Variants in UBE3C observed in about 807,000 individuals in gnomAD.
The protein encoded by UBE3C is ubiquitin protein ligase E3C.
Under a neutral mutation model 129.4 loss-of-function variants are expected in UBE3C, and 42 were observed. That is an observed-to-expected ratio of 0.32 (90% CI 0.25 to 0.42). The LOEUF (loss-of-function observed/expected upper bound fraction) is 0.42. Ranked by LOEUF, UBE3C falls within the 10% of genes least tolerant of loss-of-function variation. The pLI is 1.00. For synonymous variants in UBE3C, 510 were observed against 492.4 expected, an observed-to-expected ratio of 1.04 and a Z score of -0.47; for missense variants, 1,049 against 1,319.1, an observed-to-expected ratio of 0.80 and a Z score of 3.17.
At chr7:157,144,615 T>G (rs1807553617) in intron 1 of UBE3C, among the ~76,000 whole-genome samples, 1 of 152,138 alleles carries the variant, frequency 6.6e-6, no homozygotes, top group Admixed American at 6.5e-5. Flanking sequence ...GAACTGAAAT[T>G]TTTTAAGTTT....
chr7:157,155,461 G>A (rs1807875915), intron 1 of UBE3C, among the ~76,000 whole-genome samples: 1 of 152,114 alleles, frequency 6.6e-6, no homozygotes, highest in Non-Finnish European at 1.5e-5. Context: ...TTACAAACAT[G>A]CTAACAATCG....
At chr7:157,217,351 A>T (rs561497715) in intron 14 of UBE3C, 1 of 166,992 alleles carries the variant, frequency 6.0e-6, no homozygotes, top group Non-Finnish European at 1.3e-5. Context: ...GAATCTTGCT[A>T]TGTTTGCCCG....
chr7:157,246,730 C>T (rs568560882), intron 18 of UBE3C, among the ~76,000 whole-genome samples: 21 of 152,134 alleles, frequency 1.4e-4, no homozygotes, highest in Non-Finnish European at 1.9e-4. Flanking sequence ...AGTGCTGCAC[C>T]TCCAGACAGT....
At chr7:157,217,845 GAA>G (rs1420687854) in intron 14 of UBE3C, among the ~76,000 whole-genome samples, 1 of 151,160 alleles carries the variant, frequency 6.6e-6, no homozygotes, top group Non-Finnish European at 1.5e-5. Context: ...CTCAAAAAAA[GAA>G]AGAAAAATGA....
rs994274762 is a variant in UBE3C, at chr7:157,186,951, G to T, written c.1261G>T (p.Val421Phe). ...LVWRDSASEE[V>F]FTTMASVCHT... ...GTGGAGGGACTCTGCGAGCGAGGAG[G>T]TCTTCACCACCATGGCCTCCGTCTG... The change falls in exon 10 of 23, where the codon GTC becomes TTC. Residue 421 changes from valine (V) to phenylalanine (F), a missense_variant. Around this residue, in one of 4 missense-constraint regions of UBE3C, gnomAD observed 489 missense variants for 513.8 expected, o/e 0.95. Coordinates refer to ENST00000348165, the MANE Select transcript of UBE3C (RefSeq NM_014671.3). 1.9e-6 allele frequency: 3 copies of T among 1,613,602 alleles called. No homozygotes were observed. The African/African-American group carries it at 4.0e-5, about 22-fold the overall frequency.
chr7:157,222,948 G>T lies in UBE3C; in HGVS notation c.2003-306G>T, dbSNP rs575126668. 105 of 254,802 alleles carry T rather than the reference G, an allele frequency of 4.1e-4. 1 individual carries two copies. The highest frequency in any genetic ancestry group is 2.2e-3 in the African/African-American group (98 of 44,188). 15.8% of individuals were successfully genotyped at this position (254,802 alleles called of 1,614,324 possible). A position where few individuals can be genotyped will look rare whatever the true frequency, so the allele number is the denominator to read the frequency against. On this transcript the variant is annotated intron_variant, in intron 15 of 22. Coordinates refer to ENST00000348165, the MANE Select transcript of UBE3C (RefSeq NM_014671.3). ...CCCACTGCTGGATCTGGCTGCATTCGGGCCTCACCGCCAGTGCTAGGGCTA... is the reference window on the plus strand; with the variant it reads ...CCCACTGCTGGATCTGGCTGCATTCTGGCCTCACCGCCAGTGCTAGGGCTA...
At chr7:157,169,475 A>T (rs1450708546) in intron 3 of UBE3C, among the ~76,000 whole-genome samples, 3 of 151,816 alleles carry the variant, frequency 2.0e-5, no homozygotes, top group African/African-American at 7.3e-5. Context: ...TCCTGGGTTC[A>T]AGCAATTCTA....
At chr7:157,192,310 A>C in intron 10 of UBE3C, 1 of 480,378 alleles carries the variant, frequency 2.1e-6, no homozygotes, top group Middle Eastern at 6.2e-4. Flanking sequence ...TTGTTAAGAA[A>C]TAGTAAGAGA....
In UBE3C at chr7:157,232,519, T is replaced by C. The variant is rs547877612; in HGVS notation, c.2481+1192T>C. The stretch of plus-strand genomic sequence containing the variant: ...TGTGCACCACCACGCCCAGCTAATT[T>C]TTCTATTTTTAGAAGAGATGGGGGT... On this transcript the variant is annotated intron_variant, in intron 18 of 22. Coordinates refer to ENST00000348165, the MANE Select transcript of UBE3C (RefSeq NM_014671.3). Among the ~76,000 whole-genome samples, 24 of 152,258 alleles carry C rather than the reference T, an allele frequency of 1.6e-4. No individual in the cohort carries two copies. The South Asian group carries it at 5.0e-3, about 32-fold the overall frequency.
chr7:157,228,646 A>G (rs1232822708), intron 17 of UBE3C, among the ~76,000 whole-genome samples: 3 of 152,236 alleles, frequency 2.0e-5, no homozygotes, highest in Non-Finnish European at 2.9e-5. Flanking sequence ...CTGATTCCCA[A>G]GGGTGACACG....
intron 10 of UBE3C, among the ~76,000 whole-genome samples, chr7:157,196,573 G>A (rs1809126486): frequency 6.6e-6 from 1 of 152,248 alleles, no homozygotes. Flanking sequence ...CTAGAAAAAT[G>A]TGTTGAATGA....
At chr7:157,186,729 A>G (rs1808816288) in intron 9 of UBE3C, 105 bp from the exon 10 acceptor site, 2 of 1,328,348 alleles carry the variant, frequency 1.5e-6, no homozygotes, top group Admixed American at 4.0e-5. Flanking sequence ...GATGATGCCT[A>G]GCTTTCTTTG....
intron 5 of UBE3C, among the ~76,000 whole-genome samples, chr7:157,175,607 C>G (rs1024748972): frequency 9.2e-5 from 14 of 152,098 alleles, no homozygotes; most frequent in African/African-American, 3.4e-4. Flanking sequence ...TCAAATGATC[C>G]TGAGCCTTCC....
intron 10 of UBE3C, among the ~76,000 whole-genome samples, chr7:157,193,752 T>TCA (rs1309781865): frequency 6.6e-6 from 1 of 151,486 alleles, no homozygotes; most frequent in African/African-American, 2.4e-5. Flanking sequence ...ATGACTGACC[T>TCA]CACACATGGT....
chr7:157,179,575 C>T (rs1454239371), intron 6 of UBE3C, among the ~76,000 whole-genome samples: 5 of 152,174 alleles, frequency 3.3e-5, no homozygotes, highest in Non-Finnish European at 7.3e-5. Flanking sequence ...TCGACATCCT[C>T]ATAGGTAGAA....
intron 15 of UBE3C, 38 bp from the exon 16 acceptor site, chr7:157,223,215 GT>G: frequency 6.3e-7 from 1 of 1,594,564 alleles, no homozygotes; most frequent in Non-Finnish European, 8.6e-7. Context: ...GCAGGGGAAA[GT>G]ACAAGTGAAC....
intron 1 of UBE3C, among the ~76,000 whole-genome samples, chr7:157,161,963 G>A (rs1224809246): frequency 1.3e-5 from 2 of 151,692 alleles, no homozygotes; most frequent in Non-Finnish European, 2.9e-5. Flanking sequence ...CCAGTTACTC[G>A]GTAGGCTGTG....
chr7:157,145,255 AAGG>A (rs1807572355), intron 1 of UBE3C, among the ~76,000 whole-genome samples: 3 of 151,390 alleles, frequency 2.0e-5, no homozygotes, highest in Middle Eastern at 3.4e-3. Flanking sequence ...AAAAAGAAAA[AAGG>A]AGGAGGCCCG....
intron 1 of UBE3C, among the ~76,000 whole-genome samples, chr7:157,152,556 T>C (rs1053556329): frequency 1.3e-5 from 2 of 152,176 alleles, no homozygotes; most frequent in African/African-American, 4.8e-5. Flanking sequence ...CTATTTGTTC[T>C]CCTGCAGGGC....
Sources: allele counts gnomAD v4.1 joint callset (sites outside exome capture counted in the v4.1 genomes callset), GRCh38; gene constraint gnomAD v4.1.1; regional missense constraint gnomAD v4.1.1; transcripts MANE v1.5; gene names NCBI Gene and HGNC (gene_info 2026-07-23, HGNC 2026-07-21).